Variants in SMYD3 observed in about 807,000 individuals in gnomAD.
SMYD3 encodes the protein histone-lysine N-methyltransferase SMYD3.
Under a neutral mutation model 57.7 loss-of-function variants are expected in SMYD3, and 36 were observed. The ratio of observed to expected loss-of-function variants is 0.62; its 90% confidence interval spans 0.48 to 0.82. The LOEUF is 0.82. Ranked by LOEUF, SMYD3 falls within the 40% of genes least tolerant of loss-of-function variation. The pLI is 0.00. For missense variants in SMYD3, 515 were observed against 538.8 expected, an observed-to-expected ratio of 0.96 and a Z score of 0.44; for synonymous variants, 211 against 195.0, an observed-to-expected ratio of 1.08 and a Z score of -0.68.
intron 5 of SMYD3, among the ~76,000 whole-genome samples, chr1:246,319,996 C>G (rs898762744): frequency 6.6e-6 from 1 of 152,156 alleles, no homozygotes; most frequent in Non-Finnish European, 1.5e-5. Context: ...AAGGCACATA[C>G]CGGCCAAACA....
chr1:245,884,803 G>GCACTCTGTAAAATGGACCAATCAC (rs2052993229), intron 8 of SMYD3, among the ~76,000 whole-genome samples: 2 of 151,426 alleles, frequency 1.3e-5, no homozygotes, highest in Non-Finnish European at 1.5e-5. Context: ...GGACCAATCA[G>GCACTCTGTAAAATGGACCAATCAC]CACTCTGTAA....
intron 5 of SMYD3, among the ~76,000 whole-genome samples, chr1:246,140,724 T>A (rs546302740): frequency 6.6e-6 from 1 of 152,246 alleles, no homozygotes; most frequent in African/African-American, 2.4e-5. Context: ...GTGATCCTCC[T>A]GCCTCAGCCT....
At chr1:246,249,525 TTTTGTA>T (rs2063766899) in intron 5 of SMYD3, among the ~76,000 whole-genome samples, 1 of 136,494 alleles carries the variant, frequency 7.3e-6, no homozygotes, top group Admixed American at 7.5e-5. Flanking sequence ...TTTTTGTTTT[TTTTGTA>T]TTTTTTTTTG....
chr1:245,873,991 C>T (rs775071722), intron 8 of SMYD3, among the ~76,000 whole-genome samples: 13 of 152,172 alleles, frequency 8.5e-5, no homozygotes, highest in Admixed American at 2.6e-4. Flanking sequence ...CTCCATTAGT[C>T]GCCTATGTGT....
At chr1:245,870,124 C>T (rs989167942) in intron 8 of SMYD3, among the ~76,000 whole-genome samples, 3 of 152,172 alleles carry the variant, frequency 2.0e-5, no homozygotes, top group Non-Finnish European at 2.9e-5. Flanking sequence ...AGTGATCTTC[C>T]ACAACCCATG....
intron 3 of SMYD3, among the ~76,000 whole-genome samples, chr1:246,332,909 T>C (rs564822296): frequency 2.6e-5 from 4 of 152,348 alleles, no homozygotes; most frequent in Admixed American, 6.5e-5. Flanking sequence ...ACTAAAATAA[T>C]TGAATTTGGC....
intron 5 of SMYD3, among the ~76,000 whole-genome samples, chr1:246,161,567 C>T (rs944420722): frequency 4.6e-5 from 7 of 152,162 alleles, no homozygotes; most frequent in African/African-American, 1.7e-4. Flanking sequence ...GTATATCATG[C>T]TCTATTGTAA....
At chr1:246,449,622 G>T (rs1420477123) in intron 1 of SMYD3, among the ~76,000 whole-genome samples, 1 of 152,196 alleles carries the variant, frequency 6.6e-6, no homozygotes, top group East Asian at 1.9e-4. Context: ...CCTGATGCAA[G>T]TTCTAGAATC....
intron 10 of SMYD3, among the ~76,000 whole-genome samples, chr1:245,793,103 A>T (rs2047356693): frequency 9.2e-6 from 1 of 108,250 alleles, no homozygotes; most frequent in African/African-American, 3.2e-5. Flanking sequence ...AAATCAGGAG[A>T]TCAAGACCAT....
At chr1:245,853,723 A>G (rs558177761) in intron 10 of SMYD3, among the ~76,000 whole-genome samples, 10 of 53,670 alleles carry the variant, frequency 1.9e-4, no homozygotes, top group African/African-American at 4.3e-4. Flanking sequence ...CAAAAAAAGG[A>G]GAAAAAAAAA....
Position 245,839,130 on chromosome 1 carries a change from T to G in SMYD3, c.1076+19366A>C, listed in dbSNP as rs531376278. 2.0e-5 allele frequency among the ~76,000 whole-genome samples: 3 copies of G among 152,332 alleles called. No homozygotes were observed. In the East Asian group the frequency reaches 5.8e-4, roughly 29 times the overall value. On this transcript the variant is annotated intron_variant, in intron 10 of 11. Coordinates refer to ENST00000490107, the MANE Select transcript of SMYD3 (RefSeq NM_001167740.2). ...ATCACTGCCTTCTCACTCACTCTCA[T>G]TTTGAAACCCTCACAGCACCAGGCC...
chr1:246,255,165 T>A (rs767291030), intron 5 of SMYD3, among the ~76,000 whole-genome samples: 50 of 152,106 alleles, frequency 3.3e-4, no homozygotes, highest in Non-Finnish European at 6.8e-4. Context: ...CAGGACTATG[T>A]TGAATAGGAG....
In SMYD3 at chr1:245,852,060, G is replaced by A. The variant is rs565118315; in HGVS notation, c.1076+6436C>T. On this transcript the variant is annotated intron_variant, in intron 10 of 11. Coordinates refer to ENST00000490107, the MANE Select transcript of SMYD3 (RefSeq NM_001167740.2). ...AATAGGCAAGCTGGATGAAGGCATG[G>A]TATGTGAAGCTGCCAGATCACCTAA... is the stretch of plus-strand genomic sequence containing the variant. 4.6e-5 allele frequency among the ~76,000 whole-genome samples: 7 copies of A among 152,316 alleles called. No individual in the cohort carries two copies. The South Asian group carries it at 1.5e-3, about 32-fold the overall frequency.
chr1:246,155,406 A>G (rs2062007284), intron 5 of SMYD3, among the ~76,000 whole-genome samples: 1 of 152,312 alleles, frequency 6.6e-6, no homozygotes, highest in South Asian at 2.1e-4. Flanking sequence ...CAAAAGGAAT[A>G]CTCCACTGAT....
At chr1:245,893,069 A>C (rs1295886042) in intron 8 of SMYD3, among the ~76,000 whole-genome samples, 1 of 152,260 alleles carries the variant, frequency 6.6e-6, no homozygotes, top group Non-Finnish European at 1.5e-5. Context: ...ATTTGAACAG[A>C]TATATCAACA....
At chr1:246,006,428 G>T (rs140051122) in intron 5 of SMYD3, among the ~76,000 whole-genome samples, 105 of 152,184 alleles carry the variant, frequency 6.9e-4, no homozygotes, top group Middle Eastern at 3.4e-3. Flanking sequence ...GAACTGGGAC[G>T]TGCTCCCTGT....
At chr1:246,239,181 T>C (rs1465754069) in intron 5 of SMYD3, among the ~76,000 whole-genome samples, 2 of 152,214 alleles carry the variant, frequency 1.3e-5, no homozygotes, top group Admixed American at 6.5e-5. Context: ...ATGTGCCATG[T>C]TGGTGTGCTG....
At chr1:246,022,469 G>C (rs942630208) in intron 5 of SMYD3, among the ~76,000 whole-genome samples, 1 of 152,132 alleles carries the variant, frequency 6.6e-6, no homozygotes, top group African/African-American at 2.4e-5. Context: ...CTAACAGTGC[G>C]ACCTGAGGCA....
chr1:245,981,075 C>T (rs1347601420), intron 5 of SMYD3, among the ~76,000 whole-genome samples: 1 of 152,214 alleles, frequency 6.6e-6, no homozygotes, highest in Non-Finnish European at 1.5e-5. Context: ...TGTGATTACA[C>T]TTAAAATTAA....
Sources: allele counts gnomAD v4.1 joint callset (sites outside exome capture counted in the v4.1 genomes callset), GRCh38; gene constraint gnomAD v4.1.1; transcripts MANE v1.5; gene names NCBI Gene and HGNC (gene_info 2026-07-23, HGNC 2026-07-21).